PABPC4L: variants seen among roughly 807,000 people sequenced by gnomAD.
PABPC4L encodes the protein polyadenylate-binding protein 4-like.
For synonymous variants in PABPC4L, 169 were observed against 164.1 expected (o/e 1.03, Z -0.23); for missense variants, 452 against 451.4 (o/e 1.00, Z -0.01).
the PABPC4L span, among the ~76,000 whole-genome samples, chr4:134,046,645 C>T: frequency 6.6e-6 from 1 of 152,126 alleles, no homozygotes; most frequent in East Asian, 1.9e-4. Context: ...CGGGGGAAAC[C>T]TTGGACAATA....
At chr4:133,992,638 G>A in the PABPC4L span, among the ~76,000 whole-genome samples, 1 of 152,156 alleles carries the variant, frequency 6.6e-6, no homozygotes, top group South Asian at 2.1e-4. Flanking sequence ...TAACAGAGTG[G>A]AAGAAGGGTG....
chr4:134,022,214 C>T, the PABPC4L span, among the ~76,000 whole-genome samples: 11 of 152,070 alleles, frequency 7.2e-5, no homozygotes, highest in African/African-American at 2.2e-4. Flanking sequence ...TTTTTCACTA[C>T]CAGTTTTAAT....
chr4:134,170,940 C>A, the PABPC4L span, among the ~76,000 whole-genome samples: 1 of 152,162 alleles, frequency 6.6e-6, no homozygotes. Flanking sequence ...AAATAATTTG[C>A]ATTTCCCCCA....
At chr4:133,972,710 T>G in the PABPC4L span, among the ~76,000 whole-genome samples, 9 of 152,000 alleles carry the variant, frequency 5.9e-5, no homozygotes, top group African/African-American at 1.9e-4. Context: ...CATGCTAGAG[T>G]GAACATATTA....
chr4:134,193,473 A>G (rs1729570336), downstream of PABPC4L, among the ~76,000 whole-genome samples: 1 of 151,958 alleles, frequency 6.6e-6, no homozygotes, highest in African/African-American at 2.4e-5. Flanking sequence ...GTAACACCAT[A>G]TGTGATCTAA....
the PABPC4L span, among the ~76,000 whole-genome samples, chr4:134,093,571 C>CTTTT: frequency 3.5e-5 from 5 of 144,086 alleles, no homozygotes; most frequent in Non-Finnish European, 6.0e-5. Context: ...TTTTCTTTCT[C>CTTTT]TTTTTTTTTT....
chr4:134,022,916 G>T, the PABPC4L span, among the ~76,000 whole-genome samples: 1 of 151,862 alleles, frequency 6.6e-6, no homozygotes, highest in East Asian at 1.9e-4. Context: ...AGTCTTTAAA[G>T]ATTTGATATT....
chr4:134,194,512 T>C (rs936183602), downstream of PABPC4L, among the ~76,000 whole-genome samples: 1 of 151,878 alleles, frequency 6.6e-6, no homozygotes, highest in African/African-American at 2.4e-5. Flanking sequence ...TTGGTTACAA[T>C]GATTGGTTAA....
the PABPC4L span, among the ~76,000 whole-genome samples, chr4:133,964,265 T>G: frequency 6.6e-6 from 1 of 151,674 alleles, no homozygotes; most frequent in South Asian, 2.1e-4. Context: ...CTAGCTTAAA[T>G]CAGAAAGAAT....
the PABPC4L span, among the ~76,000 whole-genome samples, chr4:134,083,822 A>G: frequency 6.6e-6 from 1 of 152,174 alleles, no homozygotes. Context: ...AGGCAAATGT[A>G]TGTTTCCAAA....
the PABPC4L span, among the ~76,000 whole-genome samples, chr4:134,111,737 C>T: frequency 1.3e-5 from 2 of 151,902 alleles, no homozygotes; most frequent in East Asian, 3.9e-4. Context: ...GGTTCTCTCT[C>T]TTCTCTTGTC....
At chr4:133,960,888 C>A in the PABPC4L span, among the ~76,000 whole-genome samples, 2 of 152,070 alleles carry the variant, frequency 1.3e-5, no homozygotes, top group African/African-American at 4.8e-5. Flanking sequence ...CACCCACATC[C>A]CCCACAGCAG....
At chr4:134,023,153 C>A in the PABPC4L span, among the ~76,000 whole-genome samples, 1 of 152,036 alleles carries the variant, frequency 6.6e-6, no homozygotes, top group African/African-American at 2.4e-5. Context: ...GCCCTTATTG[C>A]CCACTCTGAT....
the PABPC4L span, among the ~76,000 whole-genome samples, chr4:134,102,856 G>A: frequency 6.6e-6 from 1 of 151,334 alleles, no homozygotes; most frequent in South Asian, 2.1e-4. Flanking sequence ...ATAAGTACAT[G>A]TAAAATGGTC....
chr4:134,066,721 C>T, the PABPC4L span, among the ~76,000 whole-genome samples: 1 of 151,862 alleles, frequency 6.6e-6, no homozygotes, highest in Non-Finnish European at 1.5e-5. Context: ...TCCTTCATTG[C>T]CTGTTTTTTT....
the PABPC4L span, among the ~76,000 whole-genome samples, chr4:134,040,616 A>G: frequency 6.6e-6 from 1 of 152,228 alleles, no homozygotes; most frequent in Non-Finnish European, 1.5e-5. Context: ...CTAAAACCAT[A>G]AAAACCCTAG....
At chr4:134,054,252 GTATATATATATA>G in the PABPC4L span, among the ~76,000 whole-genome samples, 2,786 of 93,812 alleles carry the variant, frequency 0.03, 60 homozygotes, top group Non-Finnish European at 0.043. Context: ...AGTTGTATAT[GTATATATATATA>G]TATATATATA....
At chr4:134,151,813 G>C in the PABPC4L span, among the ~76,000 whole-genome samples, 1 of 151,492 alleles carries the variant, frequency 6.6e-6, no homozygotes, top group Non-Finnish European at 1.5e-5. Context: ...AGGGAAAATT[G>C]GACAACAGAA....
the PABPC4L span, among the ~76,000 whole-genome samples, chr4:134,005,284 T>C: frequency 0.47 from 71,368 of 151,476 alleles, 18,307 homozygotes; most frequent in African/African-American, 0.65. Flanking sequence ...AACCTAGTGA[T>C]GGAGGAAAAC....
Sources: gnomAD v4.1 joint callset for allele counts (sites outside exome capture counted in the v4.1 genomes callset) on GRCh38, gnomAD v4.1.1 for gene constraint, MANE v1.5 for transcripts, NCBI Gene and HGNC (gene_info 2026-07-23, HGNC 2026-07-21) for gene names.